VAV2: variants seen among roughly 807,000 people sequenced by gnomAD.
The protein encoded by VAV2 is guanine nucleotide exchange factor VAV2.
Under a neutral mutation model 132.5 loss-of-function variants are expected in VAV2, and 67 were observed. That is an observed-to-expected ratio of 0.51 (90% confidence interval 0.42 to 0.62). VAV2 has a LOEUF of 0.62. Among genes scored for constraint, VAV2 ranks in the 20% least tolerant of loss-of-function variants. VAV2 has a pLI of 0.00. For missense variants in VAV2, 938 were observed against 1,153.6 expected (o/e 0.81, Z 2.71); for synonymous variants, 492 against 443.5 (o/e 1.11, Z -1.37).
chr9:133,914,490 G>A (rs1322066240), intron 2 of VAV2, among the ~76,000 whole-genome samples: 1 of 149,364 alleles, frequency 6.7e-6, no homozygotes, highest in Admixed American at 6.7e-5. Context: ...CACACTCAGG[G>A]GAAGATGCAG....
chr9:133,922,977 T>C (rs183044503), intron 2 of VAV2, among the ~76,000 whole-genome samples: 17 of 152,306 alleles, frequency 1.1e-4, no homozygotes, highest in South Asian at 2.1e-4. Flanking sequence ...ATCCACAATA[T>C]GTAAAGAACT....
chr9:133,869,125 T>A, intron 2 of VAV2, among the ~76,000 whole-genome samples: 1 of 151,612 alleles, frequency 6.6e-6, no homozygotes, highest in Admixed American at 6.6e-5. Flanking sequence ...GCCGCCTGAG[T>A]AGCTGGGGAT....
Position 133,992,324 on chromosome 9 carries a change from T to C in VAV2, c.-46A>G, listed in dbSNP as rs931870860. 2.5e-5 allele frequency: 31 copies of C among 1,245,342 alleles called. No homozygotes were observed. Among genetic ancestry groups the C allele is most frequent in the Non-Finnish European group, 3.1e-5 (31 of 990,034 alleles). The allele number at this position is 1,245,342 out of a possible 1,614,324, so 77.1% of individuals were successfully genotyped here. A position where few individuals can be genotyped will look rare whatever the true frequency, so the allele number is the denominator to read the frequency against. ...GCTCAGGGCAGTGCTCGAGCCAAAG[T>C]GCAGCGGCCGCGGGGCATCCCGCCC... On this transcript the variant is annotated 5_prime_UTR_variant, in exon 1 of 30. Coordinates refer to ENST00000371850, the MANE Select transcript of VAV2 (RefSeq NM_001134398.2). The surrounding 1 kb of genome is among the most constrained non-coding windows in gnomAD (Gnocchi z 5.5).
At chr9:133,963,676 A>C (rs1387449652) in intron 1 of VAV2, among the ~76,000 whole-genome samples, 1 of 152,158 alleles carries the variant, frequency 6.6e-6, no homozygotes, top group East Asian at 1.9e-4. Flanking sequence ...GTTGTATCAC[A>C]TCCAAGGACT....
chr9:133,845,649 G>A (rs1445132451), intron 3 of VAV2, among the ~76,000 whole-genome samples: 4 of 152,194 alleles, frequency 2.6e-5, no homozygotes, highest in African/African-American at 4.8e-5. Flanking sequence ...TTGGAGGATC[G>A]GCTGTGACAG....
chr9:133,880,561 C>T (rs943156852), intron 2 of VAV2, among the ~76,000 whole-genome samples: 1 of 152,150 alleles, frequency 6.6e-6, no homozygotes, highest in African/African-American at 2.4e-5. Flanking sequence ...CCAATGCCAC[C>T]GCCCAGGGGA....
chr9:133,964,030 T>TATATATATATATATACATATATATAC (rs1842052282), intron 1 of VAV2, among the ~76,000 whole-genome samples: 9 of 80,940 alleles, frequency 1.1e-4, no homozygotes, highest in Non-Finnish European at 2.1e-4. Flanking sequence ...TTCATATATA[T>TATATATATATATATACATATATATAC]ATATATATAT....
At chr9:133,852,238 G>A (rs1837217274) in intron 3 of VAV2, among the ~76,000 whole-genome samples, 2 of 151,838 alleles carry the variant, frequency 1.3e-5, no homozygotes, top group South Asian at 2.1e-4. Flanking sequence ...GGCTTGGTGG[G>A]TGCGTGGATG....
intron 3 of VAV2, among the ~76,000 whole-genome samples, chr9:133,850,142 G>A (rs1441310123): frequency 6.6e-6 from 1 of 152,200 alleles, no homozygotes; most frequent in Non-Finnish European, 1.5e-5. Context: ...GCCCACATGG[G>A]CCTCCATTTG....
chr9:133,929,667 G>A (rs781310447), intron 2 of VAV2, among the ~76,000 whole-genome samples: 1 of 152,112 alleles, frequency 6.6e-6, no homozygotes, highest in Non-Finnish European at 1.5e-5. Flanking sequence ...ACAAACCCAG[G>A]GCCAGAGGGA....
intron 4 of VAV2, among the ~76,000 whole-genome samples, chr9:133,825,748 G>T (rs970546839): frequency 1.3e-5 from 2 of 152,130 alleles, no homozygotes; most frequent in Admixed American, 1.3e-4. Flanking sequence ...GCAGACAAAG[G>T]GCACAGCACA....
chr9:133,792,465 TTGTGTGTGTG>T (rs1834526563), intron 12 of VAV2, among the ~76,000 whole-genome samples: 4 of 38,434 alleles, frequency 1.0e-4, no homozygotes, highest in African/African-American at 4.4e-4. Context: ...GTGTGTGTGA[TTGTGTGTGTG>T]ATTGTGTGAG....
chr9:133,907,560 G>A (rs1400867457), intron 2 of VAV2, among the ~76,000 whole-genome samples: 2 of 152,192 alleles, frequency 1.3e-5, no homozygotes, highest in Non-Finnish European at 2.9e-5. Context: ...GCTCCACCAC[G>A]TTGGAAAGCC....
chr9:133,881,590 A>G (rs1838498642), intron 2 of VAV2, among the ~76,000 whole-genome samples: 1 of 152,208 alleles, frequency 6.6e-6, no homozygotes, highest in Admixed American at 6.5e-5. Context: ...GTGCAGAGAA[A>G]GGCCTGAGAT....
In VAV2 at chr9:133,928,661, G is replaced by A. The variant is rs1840568697; in HGVS notation, c.321+10442C>T. Among the ~76,000 whole-genome samples the A allele has an allele frequency of 6.6e-6, 1 of 152,204 alleles. No homozygotes were observed. On this transcript the variant is annotated intron_variant, in intron 2 of 29. Coordinates refer to ENST00000371850, the MANE Select transcript of VAV2 (RefSeq NM_001134398.2). The surrounding 1 kb of genome is among the most constrained non-coding windows in gnomAD (Gnocchi z 5.4). ...AAACACATGCAGCCTCGGGGCCTGG[G>A]TGTGGAGATAAGGGGTGCTGGATCA...
chr9:133,950,458 T>C (rs113997154), intron 1 of VAV2, among the ~76,000 whole-genome samples: 2,408 of 152,238 alleles, frequency 0.016, 58 homozygotes, highest in African/African-American at 0.055. Context: ...CCTGCTCCCC[T>C]GAAGCCCTCC....
intron 2 of VAV2, among the ~76,000 whole-genome samples, chr9:133,892,388 T>A (rs1222079795): frequency 6.6e-6 from 1 of 150,722 alleles, no homozygotes; most frequent in African/African-American, 2.4e-5. Context: ...ATTTTGGAAA[T>A]GTGGGGGCTG....
chr9:133,966,894 G>T (rs412472), intron 1 of VAV2, among the ~76,000 whole-genome samples: 97,221 of 151,160 alleles, frequency 0.64, 32,484 homozygotes, highest in East Asian at 0.81. Context: ...AATCAGTTGG[G>T]CTTGGTGGCG....
chr9:133,911,073 A>C lies in VAV2; in HGVS notation c.321+28030T>G, dbSNP rs185133567. Among the ~76,000 whole-genome samples the C allele has an allele frequency of 3.2e-3, 487 of 152,302 alleles. 1 individual carries two copies. The highest frequency in any genetic ancestry group is 5.6e-3 in the Non-Finnish European group (381 of 68,018). ...CCAGGCTACATGGGCTGCAGGAAGC[A>C]GGGCCGGGCACGCCCCTTCTTGGGA... On this transcript the variant is annotated intron_variant, in intron 2 of 29. Transcript: ENST00000371850.
Sources: allele counts gnomAD v4.1 joint callset (sites outside exome capture counted in the v4.1 genomes callset), GRCh38; gene constraint gnomAD v4.1.1; non-coding constraint Gnocchi (gnomAD v3.1); transcripts MANE v1.5; gene names NCBI Gene and HGNC (gene_info 2026-07-23, HGNC 2026-07-21).